Variants in PLCE1 observed in about 807,000 individuals in gnomAD.
The protein encoded by PLCE1 is phospholipase C epsilon 1, also known as 1-phosphatidylinositol 4,5-bisphosphate phosphodiesterase epsilon-1.
Under a neutral mutation model 242.8 loss-of-function variants are expected in PLCE1, and 119 were observed. That is an observed-to-expected ratio of 0.49 (90% CI 0.42 to 0.57). PLCE1 has a LOEUF of 0.57. PLCE1 is among the 20% of genes least tolerant of loss of function. The pLI is 0.00. For synonymous variants in PLCE1, 945 were observed against 1,017.4 expected, an observed-to-expected ratio of 0.93 and a Z score of 1.35; for missense variants, 2,441 against 2,788.8, an observed-to-expected ratio of 0.88 and a Z score of 2.81.
chr10:94,082,357 A>G (rs2044676892), intron 2 of PLCE1, among the ~76,000 whole-genome samples: 1 of 152,344 alleles, frequency 6.6e-6, no homozygotes, highest in Admixed American at 6.5e-5. Context: ...AAGAAAACCT[A>G]TCCAGCTCTA....
intron 3 of PLCE1, among the ~76,000 whole-genome samples, chr10:94,146,157 C>G (rs1428839299): frequency 6.6e-6 from 1 of 152,092 alleles, no homozygotes; most frequent in Non-Finnish European, 1.5e-5. Context: ...TGGAGGCACC[C>G]TCTATAGGAA....
intron 21 of PLCE1, among the ~76,000 whole-genome samples, chr10:94,284,392 G>A (rs12783744): frequency 1.3e-5 from 2 of 152,010 alleles, no homozygotes; most frequent in Non-Finnish European, 2.9e-5. Flanking sequence ...GAAGATAAAC[G>A]GGCCAGATAG....
intron 7 of PLCE1, 97 bp from the exon 8 acceptor site, chr10:94,245,849 A>T: frequency 1.1e-6 from 1 of 923,542 alleles, no homozygotes; most frequent in Non-Finnish European, 1.8e-6. Flanking sequence ...TTGAATTCAT[A>T]GTGCGATGAA....
chr10:94,236,819 A>G (rs1385586457), intron 7 of PLCE1, among the ~76,000 whole-genome samples: 1 of 152,226 alleles, frequency 6.6e-6, no homozygotes, highest in Non-Finnish European at 1.5e-5. Flanking sequence ...ACCTCTGCAC[A>G]GAAAGCCTCT....
chr10:94,167,143 T>C (rs1258708293), intron 3 of PLCE1, among the ~76,000 whole-genome samples: 2 of 151,976 alleles, frequency 1.3e-5, no homozygotes, highest in East Asian at 3.9e-4. Flanking sequence ...ATACAAATAT[T>C]AGCTGGGCAT....
At chr10:94,160,522 C>T (rs1451254465) in intron 3 of PLCE1, among the ~76,000 whole-genome samples, 3 of 152,130 alleles carry the variant, frequency 2.0e-5, no homozygotes, top group Non-Finnish European at 2.9e-5. Flanking sequence ...GATATTAGCC[C>T]TTTGTCAGAT....
chr10:94,040,000 C>G (rs11187776), intron 2 of PLCE1, among the ~76,000 whole-genome samples: 50,467 of 151,904 alleles, frequency 0.33, 9,248 homozygotes, highest in African/African-American at 0.5. Context: ...GAAGATCAGG[C>G]AAGTGGCAAA....
At chr10:94,276,582 C>T (rs564147554) in intron 19 of PLCE1, among the ~76,000 whole-genome samples, 27 of 152,094 alleles carry the variant, frequency 1.8e-4, no homozygotes, top group Non-Finnish European at 3.7e-4. Flanking sequence ...TTCTTATTAT[C>T]CTGGAAGTTT....
chr10:94,029,263 C>A (rs2061510124), intron 1 of PLCE1, among the ~76,000 whole-genome samples: 1 of 152,070 alleles, frequency 6.6e-6, no homozygotes, highest in African/African-American at 2.4e-5. Flanking sequence ...AGGCTTTGGC[C>A]TGAAAAATCT....
chr10:94,312,972 ATGAG>A lies in PLCE1; in HGVS notation c.6004-280_6004-277del, dbSNP rs67111832. ...AATAGATACTATGGAACATCAGTTA[ATGAG>A]TAAGAACTAACATACATTTCAGATA... is the stretch of plus-strand genomic sequence containing the variant. On this transcript the variant is annotated intron_variant, in intron 27 of 32. Transcript: ENST00000371380. Among the ~76,000 whole-genome samples, 52,303 of 151,796 alleles carry A rather than the reference ATGAG, an allele frequency of 0.34. 9,431 individuals are homozygous for A. The highest frequency in any genetic ancestry group is 0.45 in the Admixed American group (6,843 of 15,220).
At chr10:94,039,533 G>A (rs764830314) in intron 2 of PLCE1, among the ~76,000 whole-genome samples, 8 of 152,094 alleles carry the variant, frequency 5.3e-5, no homozygotes, top group South Asian at 2.1e-4. Context: ...TTACAGGTGC[G>A]TGCCACTATG....
At chr10:94,274,248 A>G (rs150647273) in intron 19 of PLCE1, among the ~76,000 whole-genome samples, 8 of 152,314 alleles carry the variant, frequency 5.3e-5, no homozygotes, top group Non-Finnish European at 1.0e-4. Flanking sequence ...GTTCAGGTAC[A>G]GAACACTGAG....
At chr10:94,131,254 A>T (rs989090598) in intron 2 of PLCE1, among the ~76,000 whole-genome samples, 1 of 152,194 alleles carries the variant, frequency 6.6e-6, no homozygotes, top group Non-Finnish European at 1.5e-5. Context: ...CTGGCTTCTC[A>T]GAATGCTTGA....
At chr10:94,267,779 C>G (rs1470956963) in intron 16 of PLCE1, among the ~76,000 whole-genome samples, 2 of 152,150 alleles carry the variant, frequency 1.3e-5, no homozygotes, top group African/African-American at 4.8e-5. Flanking sequence ...CACTGCACCT[C>G]TAGATACTCT....
chr10:94,227,119 C>T (rs923807202), intron 4 of PLCE1, 187 bp from the exon 5 acceptor site: 9 of 577,190 alleles, frequency 1.6e-5, no homozygotes, highest in African/African-American at 5.6e-5. Context: ...TCAGGTGATT[C>T]GCCCACCTCA....
chr10:94,234,269 T>C lies in PLCE1; in HGVS notation c.2171T>C (p.Met724Thr), dbSNP rs140596357. ...GTGCTTGACGGCGCCTCCGGTCTCA[T>C]GAAGCTTTGCCCGCGGTACAATTCC... ...CEVLDGASGL[M>T]KLCPRYNSQE... is the part of the protein sequence containing the mutation. The change falls in exon 6 of 33, where the codon ATG becomes ACG. Residue 724 changes from methionine to threonine, a missense_variant. Coordinates refer to ENST00000371380, the MANE Select transcript of PLCE1 (RefSeq NM_016341.4). 5.5e-5 allele frequency: 88 copies of C among 1,614,144 alleles called. 1 individual carries two copies. Among genetic ancestry groups the C allele is most frequent in the Middle Eastern group, 3.3e-4 (2 of 6,054 alleles).
At chr10:94,166,651 C>G (rs1400588818) in intron 3 of PLCE1, among the ~76,000 whole-genome samples, 2 of 150,982 alleles carry the variant, frequency 1.3e-5, no homozygotes, top group Non-Finnish European at 2.9e-5. Flanking sequence ...CCTCAAAATG[C>G]TGAGTGTAAC....
rs781446502 is a variant in PLCE1 at position 94,234,093 on chromosome 10, G to T, written c.1995G>T (p.Gln665His). 6.2e-7 allele frequency: 1 copy of T among 1,613,712 alleles called. No homozygotes were observed. The highest frequency in any genetic ancestry group is 8.5e-7 in the Non-Finnish European group (1 of 1,179,736). ...KVLKMWQFMD[Q>H]SDIETMRSLK... ...TAAAAATGTGGCAGTTCATGGACCA[G>T]TCTGATATTGAGACCATGAGGAGCC... The change falls in exon 6 of 33, where the codon CAG (glutamine) becomes CAT (histidine). Residue 665 changes from glutamine to histidine, a missense_variant. Gln to His is a conservative substitution (Grantham distance 24, BLOSUM62 0). Transcript: ENST00000371380.
intron 1 of PLCE1, among the ~76,000 whole-genome samples, chr10:93,996,630 C>T (rs2060829202): frequency 6.6e-6 from 1 of 152,224 alleles, no homozygotes; most frequent in Non-Finnish European, 1.5e-5. Context: ...TCATGTGTTC[C>T]TCTCTGCTCC....
Sources: gnomAD v4.1 joint callset for allele counts (sites outside exome capture counted in the v4.1 genomes callset) on GRCh38, gnomAD v4.1.1 for gene constraint, MANE v1.5 for transcripts, NCBI Gene and HGNC (gene_info 2026-07-23, HGNC 2026-07-21) for gene names.